The following ABCA3 variants were observed in gnomAD, a reference collection of about 807,000 sequenced individuals.
ABCA3 encodes the protein ATP binding cassette subfamily A member 3.
A neutral mutation model predicts 172.8 loss-of-function variants in ABCA3; 88 were observed. The observed-to-expected ratio is 0.51, with a 90% CI of 0.43 to 0.61. The LOEUF (loss-of-function observed/expected upper bound fraction) is 0.61, where lower values mean the gene tolerates loss of function less well. Ranked by LOEUF, ABCA3 falls within the 20% of genes least tolerant of loss-of-function variation. The pLI is 0.00. For missense variants in ABCA3, 2,164 were observed against 2,301.0 expected, an observed-to-expected ratio of 0.94 and a Z score of 1.22; for synonymous variants, 1,066 against 983.8, an observed-to-expected ratio of 1.08 and a Z score of -1.56.
intron 11 of ABCA3, among the ~76,000 whole-genome samples, chr16:2,306,811 C>T (rs1035563803): frequency 4.6e-5 from 7 of 151,840 alleles, no homozygotes; most frequent in Non-Finnish European, 7.4e-5. Flanking sequence ...GTCAGAAGAT[C>T]GAGACCATCC....
At chr16:2,292,087 C>A in intron 19 of ABCA3, 53 bp downstream of exon 19, 2 of 1,435,358 alleles carry the variant, frequency 1.4e-6, no homozygotes, top group Non-Finnish European at 2.0e-6. Context: ...AAAAAAAAGT[C>A]CTCTGCAGCA....
chr16:2,332,283 T>C, intron 1 of ABCA3: 2 of 596,374 alleles, frequency 3.4e-6, no homozygotes, highest in Admixed American at 2.6e-5. Flanking sequence ...CTGTTTATTA[T>C]ACAGGTGAAT....
chr16:2,339,242 C>T (rs2093756600), intron 1 of ABCA3: 2 of 152,198 alleles, frequency 1.3e-5, no homozygotes, highest in Admixed American at 6.5e-5. Flanking sequence ...ATGAGACTGC[C>T]TGGCTCATGC....
intron 1 of ABCA3, chr16:2,332,165 A>G (rs17135882): frequency 0.035 from 11,415 of 325,396 alleles, 1,186 homozygotes; most frequent in African/African-American, 0.23. Context: ...GCCAGTTAAC[A>G]AGCGCTGTGG....
Position 2,324,398 on chromosome 16 carries a change from T to C in ABCA3, c.447+6A>G, listed in dbSNP as rs2093730919. The C allele has an allele frequency of 2.5e-6, 4 of 1,592,022 alleles. No individual in the cohort carries two copies. ...TGTGACTGCTCGGCCCGGCCGCACG[T>C]CTCACCGCCAGCGGCAGGGGCTCCT... On this transcript the variant is annotated splice_donor_region_variant and intron_variant, in intron 6 of 32. Coordinates refer to ENST00000301732, the MANE Select transcript of ABCA3 (RefSeq NM_001089.3).
intron 3 of ABCA3, 38 bp downstream of exon 3, chr16:2,328,415 T>C (rs1335555375): frequency 4.3e-6 from 2 of 460,156 alleles, no homozygotes; most frequent in Non-Finnish European, 8.7e-6. Context: ...CAGAGTTAAG[T>C]TCATCTCATG....
chr16:2,307,071 A>G (rs323030), intron 11 of ABCA3, among the ~76,000 whole-genome samples: 41,690 of 148,918 alleles, frequency 0.28, 6,167 homozygotes, highest in East Asian at 0.4. Flanking sequence ...AGTCGTGATG[A>G]TGCCATTGCA....
rs754953082 is a variant in ABCA3 at position 2,286,855 on chromosome 16, G to A, written c.3117C>T (p.Asn1039=). 1.9e-5 allele frequency: 30 copies of A among 1,613,988 alleles called. No individual in the cohort carries two copies. Among genetic ancestry groups the A allele is most frequent in the East Asian group, 2.2e-5 (1 of 44,888 alleles). The change falls in exon 22 of 33, where the codon AAC becomes AAT. Residue 1039 remains asparagine (N), a synonymous_variant. Coordinates refer to ENST00000301732, the MANE Select transcript of ABCA3 (RefSeq NM_001089.3). This position sits in a 1 kb window ranked among gnomAD's most constrained non-coding sequence, Gnocchi z 5.2. ...FRDVGERTVV[N]ALFNNQAYHS... is the part of the protein sequence containing the mutation. ...GGTACGCCTGGTTGTTGAACAAGGC[G>A]TTGACGACCGTGCGCTCTCCCACAT...
At position 2,284,281 on chromosome 16, in the gene ABCA3, T is replaced by C. The variant is rs768520218; in HGVS notation, c.3860A>G (p.Tyr1287Cys). ...SEVAAHYCKK[Y>C]NIQYQENFYA... ...GGGGTCGGGGCTGGGACACTCACTA[T>C]ATTTCTTGCAGTAGTGGGCGGCGAC... is the stretch of plus-strand genomic sequence containing the variant. Residue 1287 changes from tyrosine to cysteine, a missense_variant and splice_region_variant, in exon 25 of 33, where the codon TAT (tyrosine) becomes TGT (cysteine). Around this residue, in one of 3 missense-constraint regions of ABCA3, gnomAD observed 795 missense variants for 881.9 expected, o/e 0.90. Transcript: ENST00000301732. The surrounding 1 kb of genome is among the most constrained non-coding windows in gnomAD (Gnocchi z 5.9). 3.1e-6 allele frequency: 5 copies of C among 1,613,292 alleles called. No individual in the cohort carries two copies. The South Asian group carries it at 5.5e-5, about 18-fold the overall frequency.
chr16:2,276,586 G>A lies in ABCA3; in HGVS notation c.*88C>T, dbSNP rs1034321765. The A allele has an allele frequency of 8.3e-6, 13 of 1,575,096 alleles. No homozygotes were observed. The African/African-American group carries it at 1.8e-4, about 21-fold the overall frequency. ...ATAGAAAAAAGTGATTAAAAATAAA[G>A]GATGAGATAAACTTGGAGAGAGAGG... On this transcript the variant is annotated 3_prime_UTR_variant, in exon 33 of 33. Coordinates refer to ENST00000301732, the MANE Select transcript of ABCA3 (RefSeq NM_001089.3).
In ABCA3 at chr16:2,297,462, C is replaced by G; in HGVS notation, c.2130G>C (p.Gln710His). The change falls in exon 17 of 33, where the codon CAG (glutamine) becomes CAC (histidine). Residue 710 changes from glutamine to histidine, a missense_variant. Transcript: ENST00000301732. The surrounding 1 kb of genome is among the most constrained non-coding windows in gnomAD (Gnocchi z 5.6). ...TCAGCACGATGGTGCGGTCACTTTT[C>G]TGCCGCTGAAGAAGATCCCAGATGG... ...RRAIWDLLQR[Q>H]KSDRTIVLTT... The G allele has an allele frequency of 6.2e-7, 1 of 1,613,874 alleles. No homozygotes were observed. The highest frequency in any genetic ancestry group is 8.5e-7 in the Non-Finnish European group (1 of 1,180,038).
At chr16:2,316,157 A>G (rs2093715094) in intron 10 of ABCA3, among the ~76,000 whole-genome samples, 1 of 148,514 alleles carries the variant, frequency 6.7e-6, no homozygotes, top group African/African-American at 2.5e-5. Context: ...AAAAAAAAAA[A>G]AAAAGCTAGG....
At chr16:2,298,583 G>A (rs756009196) in intron 14 of ABCA3, 43 bp from the exon 15 acceptor site, 2 of 1,607,840 alleles carry the variant, frequency 1.2e-6, no homozygotes, top group East Asian at 4.5e-5. Context: ...TGAAGATCCT[G>A]CTCGTCAGCA....
Position 2,285,616 on chromosome 16 carries a change from G to A in ABCA3, c.3309C>T (p.Asn1103=), listed in dbSNP as rs372940716. The A allele has an allele frequency of 1.9e-6, 3 of 1,555,414 alleles. No individual in the cohort carries two copies. Among genetic ancestry groups the A allele is most frequent in the East Asian group, 2.4e-5 (1 of 41,230 alleles). Residue 1103 remains asparagine (N), a synonymous_variant, in exon 23 of 33, where the codon AAC becomes AAT. Transcript: ENST00000301732. The surrounding 1 kb of genome is among the most constrained non-coding windows in gnomAD (Gnocchi z 4.7). ...CCAAGAATGCCATGGCGAAGAGCAG[G>A]TTGAGGGCAATGTCGAATCCCTTCC... ...EGRKGFDIAL[N]LLFAMAFLAS...
rs1338374551 is a variant in ABCA3, at chr16:2,324,530, C to A, written c.321G>T (p.Val107=). ...VRRALVINMR[V]RGFPSEKDFE... is the part of the protein sequence containing the mutation. ...AGTCCTTCTCGGAGGGAAAGCCGCG[C>A]ACTGCAAAGAGAGAGCACGGGAGCT... The change falls in exon 6 of 33, where the codon GTG becomes GTT. Residue 107 remains valine (V), a splice_region_variant and synonymous_variant. Transcript: ENST00000301732. 1.2e-6 allele frequency: 2 copies of A among 1,609,338 alleles called. No homozygotes were observed. Among genetic ancestry groups the A allele is most frequent in the Admixed American group, 3.3e-5 (2 of 60,008 alleles).
Position 2,281,542 on chromosome 16 carries a change from A to T in ABCA3, c.4036-33T>A. 7.6e-7 allele frequency: 1 copy of T among 1,315,048 alleles called. No individual in the cohort carries two copies. Among genetic ancestry groups the T allele is most frequent in the Non-Finnish European group, 1.0e-6 (1 of 984,996 alleles). 81.5% of individuals were successfully genotyped at this position (1,315,048 alleles called of 1,614,324 possible). Reference sequence around the variant, plus strand: ...ACCAGGACAAAGACCGCATGCGTGAACCCAGCCGCAGGGCGGCTTCCGTGG... The same window carrying T: ...ACCAGGACAAAGACCGCATGCGTGATCCCAGCCGCAGGGCGGCTTCCGTGG... On this transcript the variant is annotated intron_variant, in intron 26 of 32. Coordinates refer to ENST00000301732, the MANE Select transcript of ABCA3 (RefSeq NM_001089.3). This position sits in a 1 kb window ranked among gnomAD's most constrained non-coding sequence, Gnocchi z 4.7.
Position 2,300,946 on chromosome 16 carries a change from C to G in ABCA3, c.1468-798G>C, listed in dbSNP as rs73500180. Reference sequence around the variant, plus strand: ...AAGTGATTTTAAAATCAGAATGCATCTTGGCTGGGCACGGTGGCTCGAGCC... The same window carrying G: ...AAGTGATTTTAAAATCAGAATGCATGTTGGCTGGGCACGGTGGCTCGAGCC... On this transcript the variant is annotated intron_variant, in intron 12 of 32. Coordinates refer to ENST00000301732, the MANE Select transcript of ABCA3 (RefSeq NM_001089.3). Among the ~76,000 whole-genome samples the G allele has an allele frequency of 4.6e-3, 707 of 152,224 alleles. 16 individuals carry two copies. The highest frequency in any genetic ancestry group is 0.017 in the African/African-American group (687 of 41,498).
In ABCA3 at chr16:2,328,563, G is replaced by C. The variant is rs373769747; in HGVS notation, c.-137C>G. 111 of 515,876 alleles carry C rather than the reference G, an allele frequency of 2.2e-4. No homozygotes were observed. Among genetic ancestry groups the C allele is most frequent in the Non-Finnish European group, 3.6e-4 (93 of 258,770 alleles). The allele number at this position is 515,876 out of a possible 1,614,324, so 32.0% of individuals were successfully genotyped here. ...TGTAAAGAGGGCGAGGTGTGCAGAC[G>C]TGGCTGCTCTGTCCTGGAGAGGCAG... is the stretch of plus-strand genomic sequence containing the variant. On this transcript the variant is annotated 5_prime_UTR_variant, in exon 3 of 33. Transcript: ENST00000301732.
At position 2,281,840 on chromosome 16, in the gene ABCA3, T is replaced by G. The variant is rs2093655712; in HGVS notation, c.4036-331A>C. ...TTTTTTTTGAGACAGAGTCTCACTC[T>G]GTTGTCCAGGCTGGAGTGCAGTGGC... On this transcript the variant is annotated intron_variant, in intron 26 of 32. Transcript: ENST00000301732. This position sits in a 1 kb window ranked among gnomAD's most constrained non-coding sequence, Gnocchi z 4.7. 6.6e-6 allele frequency among the ~76,000 whole-genome samples: 1 copy of G among 151,862 alleles called. No homozygotes were observed. The highest frequency in any genetic ancestry group is 1.5e-5 in the Non-Finnish European group (1 of 67,956).
Sources: gnomAD v4.1 joint callset for allele counts (sites outside exome capture counted in the v4.1 genomes callset) on GRCh38, gnomAD v4.1.1 for gene constraint, gnomAD v4.1.1 regional missense constraint, Gnocchi (gnomAD v3.1) non-coding constraint, MANE v1.5 for transcripts, NCBI Gene and HGNC (gene_info 2026-07-23, HGNC 2026-07-21) for gene names.